The following UBR2 variants were observed in gnomAD, a reference collection of about 807,000 sequenced individuals.
The protein encoded by UBR2 is E3 ubiquitin-protein ligase UBR2.
A neutral mutation model predicts 247.9 loss-of-function variants in UBR2; 92 were observed. The observed-to-expected ratio is 0.37, with a 90% CI of 0.31 to 0.44. The LOEUF (loss-of-function observed/expected upper bound fraction) is 0.44, where lower values mean the gene tolerates loss of function less well. Ranked by LOEUF, UBR2 falls within the 20% of genes least tolerant of loss-of-function variation. The pLI is 1.00. For missense variants in UBR2, 1,613 were observed against 2,112.6 expected, an observed-to-expected ratio of 0.76 and a Z score of 4.64; for synonymous variants, 672 against 693.5, an observed-to-expected ratio of 0.97 and a Z score of 0.49.
chr6:42,648,190 T>C lies in UBR2; in HGVS notation c.2462+20T>C, dbSNP rs746701756. On this transcript the variant is annotated intron_variant, in intron 22 of 46. Transcript: ENST00000372901. ...TTTCAAGTGAGTTTACTTCCTATTA[T>C]TTCACATTCTTTTTTACTTTTCCAG... 3.6e-5 allele frequency: 57 copies of C among 1,605,016 alleles called. No individual in the cohort carries two copies. The highest frequency in any genetic ancestry group is 3.2e-4 in the African/African-American group (24 of 74,746).
intron 25 of UBR2, among the ~76,000 whole-genome samples, chr6:42,653,846 G>T (rs1296494220): frequency 2.0e-5 from 3 of 151,892 alleles, no homozygotes; most frequent in African/African-American, 7.3e-5. Context: ...CGAACTCCCA[G>T]CGTCAGGTGA....
intron 1 of UBR2, among the ~76,000 whole-genome samples, chr6:42,572,780 T>G (rs915377441): frequency 6.6e-6 from 1 of 151,670 alleles, no homozygotes; most frequent in Non-Finnish European, 1.5e-5. Flanking sequence ...CTTGGCTCAC[T>G]ACAACCTCTG....
At chr6:42,590,590 T>C (rs1023200987) in intron 2 of UBR2, among the ~76,000 whole-genome samples, 1 of 152,202 alleles carries the variant, frequency 6.6e-6, no homozygotes, top group Non-Finnish European at 1.5e-5. Flanking sequence ...AAGACACAAA[T>C]AGACATTGTA....
Position 42,690,130 on chromosome 6 carries a change from T to C in UBR2, c.5126+460T>C, listed in dbSNP as rs546780609. Reference sequence around the variant, plus strand: ...ATATTTGAGGCTAAGTTACTTCTACTCTGGTAGCTTTAGTATATTGTAAGC... The same window carrying C: ...ATATTTGAGGCTAAGTTACTTCTACCCTGGTAGCTTTAGTATATTGTAAGC... On this transcript the variant is annotated intron_variant, in intron 46 of 46. Transcript: ENST00000372901. 3.3e-5 allele frequency among the ~76,000 whole-genome samples: 5 copies of C among 152,342 alleles called. No homozygotes were observed. In the South Asian group the frequency reaches 1.0e-3, roughly 32 times the overall value.
intron 2 of UBR2, among the ~76,000 whole-genome samples, chr6:42,590,761 C>T (rs140629354): frequency 6.6e-6 from 1 of 152,168 alleles, no homozygotes; most frequent in Admixed American, 6.5e-5. Flanking sequence ...ACTTTTAACA[C>T]CTTCCTCACA....
chr6:42,591,159 G>A (rs752171668), intron 2 of UBR2, among the ~76,000 whole-genome samples: 3 of 152,198 alleles, frequency 2.0e-5, no homozygotes, highest in Non-Finnish European at 4.4e-5. Context: ...GGCTGAGATG[G>A]GAGGATTGCT....
intron 1 of UBR2, among the ~76,000 whole-genome samples, chr6:42,572,347 ATCTC>A (rs1003261367): frequency 2.0e-5 from 3 of 152,138 alleles, no homozygotes; most frequent in Non-Finnish European, 4.4e-5. Flanking sequence ...CATATTTAAA[ATCTC>A]TCTGTATGTT....
intron 11 of UBR2, among the ~76,000 whole-genome samples, chr6:42,627,511 T>C (rs1795428807): frequency 6.6e-6 from 1 of 152,134 alleles, no homozygotes; most frequent in East Asian, 1.9e-4. Context: ...TTTGTTTTGT[T>C]TTTTGAGTCA....
Position 42,674,173 on chromosome 6 carries a change from A to G in UBR2, c.4231A>G (p.Ile1411Val). The change falls in exon 38 of 47, where the codon ATT becomes GTT. Residue 1411 changes from isoleucine (I) to valine (V), a missense_variant. Physicochemically the swap from Ile to Val is conservative, Grantham distance 29. Around this residue, in one of 3 missense-constraint regions of UBR2, gnomAD observed 1,524 missense variants for 1,967.3 expected, o/e 0.77. Coordinates refer to ENST00000372901, the MANE Select transcript of UBR2 (RefSeq NM_001363705.2). ...SHEELPCILDIDMFHLLVGLV... is the reference protein window; with the variant it reads ...SHEELPCILDVDMFHLLVGLV... ...TGAGGAACTTCCATGCATATTAGAT[A>G]TTGACATGTTTCATTTATTGGTGGG... 1 of 1,613,888 alleles carries G rather than the reference A, an allele frequency of 6.2e-7. No individual in the cohort carries two copies. Among genetic ancestry groups the G allele is most frequent in the South Asian group, 1.1e-5 (1 of 91,024 alleles).
chr6:42,615,736 C>T (rs1434261964), intron 9 of UBR2, among the ~76,000 whole-genome samples: 1 of 148,556 alleles, frequency 6.7e-6, no homozygotes, highest in Non-Finnish European at 1.5e-5. Flanking sequence ...TCAGCCTGGG[C>T]AACAAAGCAA....
intron 2 of UBR2, among the ~76,000 whole-genome samples, chr6:42,581,336 C>G (rs574182157): frequency 6.6e-6 from 1 of 152,042 alleles, no homozygotes; most frequent in East Asian, 1.9e-4. Context: ...ATTACAGGCA[C>G]GCACCACCAT....
chr6:42,596,864 G>A (rs1793009110), intron 4 of UBR2, among the ~76,000 whole-genome samples: 1 of 151,992 alleles, frequency 6.6e-6, no homozygotes, highest in African/African-American at 2.4e-5. Context: ...GTAGGTAAGG[G>A]GTTTTACTTT....
intron 30 of UBR2, among the ~76,000 whole-genome samples, chr6:42,661,848 C>G (rs1471867653): frequency 6.6e-6 from 1 of 152,144 alleles, no homozygotes; most frequent in African/African-American, 2.4e-5. Flanking sequence ...GCTCTTTTAC[C>G]TGGAGCTCAG....
chr6:42,591,608 G>A (rs1460923718), intron 2 of UBR2, among the ~76,000 whole-genome samples: 2 of 152,146 alleles, frequency 1.3e-5, no homozygotes, highest in South Asian at 4.1e-4. Context: ...ATCATTCAGT[G>A]CAGTGAACCT....
chr6:42,569,221 AT>A (rs1371289159), intron 1 of UBR2, among the ~76,000 whole-genome samples: 1 of 152,214 alleles, frequency 6.6e-6, no homozygotes, highest in Non-Finnish European at 1.5e-5. Flanking sequence ...TATGTTAACT[AT>A]TTTGAAGAAC....
Position 42,689,585 on chromosome 6 carries a change from G to A in UBR2, c.5041G>A (p.Val1681Met). ...TCTCTACAGAGTACGGGAATGTCAGGTGCTATTTTTAGCTGGCAAAACCAA... is the reference window on the plus strand; with the variant it reads ...TCTCTACAGAGTACGGGAATGTCAGATGCTATTTTTAGCTGGCAAAACCAA... ...GIFLRVRECQ[V>M]LFLAGKTKGC... Residue 1681 changes from valine to methionine, a missense_variant, in exon 46 of 47, where the codon GTG becomes ATG. By Grantham distance (21) the Val-to-Met change is conservative. Transcript: ENST00000372901. This position sits in a 1 kb window ranked among gnomAD's most constrained non-coding sequence, Gnocchi z 4.0. 6.2e-7 allele frequency: 1 copy of A among 1,614,076 alleles called. No homozygotes were observed. Among genetic ancestry groups the A allele is most frequent in the African/African-American group, 1.3e-5 (1 of 75,022 alleles).
chr6:42,647,748 A>G (rs1796863562), intron 21 of UBR2, among the ~76,000 whole-genome samples: 1 of 152,210 alleles, frequency 6.6e-6, no homozygotes, highest in African/African-American at 2.4e-5. Context: ...TAGTGCAACT[A>G]TTTTATAAAA....
At chr6:42,576,754 C>A (rs1211131697) in intron 2 of UBR2, among the ~76,000 whole-genome samples, 1 of 152,082 alleles carries the variant, frequency 6.6e-6, no homozygotes, top group African/African-American at 2.4e-5. Flanking sequence ...TTCCTGACCT[C>A]AAGTGATCCA....
At chr6:42,684,979 C>A in intron 44 of UBR2, 108 bp downstream of exon 44, 1 of 905,244 alleles carries the variant, frequency 1.1e-6, no homozygotes, top group Non-Finnish European at 1.7e-6. Context: ...GAAATCATAT[C>A]TGTAGTCCTT....
Sources: gnomAD v4.1 joint callset for allele counts (sites outside exome capture counted in the v4.1 genomes callset) on GRCh38, gnomAD v4.1.1 for gene constraint, gnomAD v4.1.1 regional missense constraint, Gnocchi (gnomAD v3.1) non-coding constraint, MANE v1.5 for transcripts, NCBI Gene and HGNC (gene_info 2026-07-23, HGNC 2026-07-21) for gene names.